RCAN2: variants seen among roughly 807,000 people sequenced by gnomAD.
RCAN2 encodes regulator of calcineurin 2.
A neutral mutation model predicts 23.6 loss-of-function variants in RCAN2; 9 were observed. That is an observed-to-expected ratio of 0.38 (90% CI 0.23 to 0.67). RCAN2 has a LOEUF of 0.67. Ranked by LOEUF, RCAN2 falls within the 30% of genes least tolerant of loss-of-function variation. The pLI is 0.51. For missense variants in RCAN2, 273 were observed against 302.3 expected (o/e 0.90, Z 0.72); for synonymous variants, 109 against 115.7 (o/e 0.94, Z 0.37).
chr6:46,361,363 G>C (rs1443104758), intron 2 of RCAN2, among the ~76,000 whole-genome samples: 1 of 152,052 alleles, frequency 6.6e-6, no homozygotes, highest in Non-Finnish European at 1.5e-5. Flanking sequence ...GGCCACACTG[G>C]GCTTCCATAA....
chr6:46,383,838 GA>G (rs1188340098), intron 2 of RCAN2, among the ~76,000 whole-genome samples: 1 of 152,050 alleles, frequency 6.6e-6, no homozygotes, highest in African/African-American at 2.4e-5. Flanking sequence ...AAGTATTATT[GA>G]ATTCAATTTT....
intron 2 of RCAN2, among the ~76,000 whole-genome samples, chr6:46,287,629 A>G (rs906733525): frequency 2.0e-5 from 3 of 152,220 alleles, no homozygotes; most frequent in African/African-American, 4.8e-5. Flanking sequence ...TAAACTTTTC[A>G]CAGAAGTAGA....
chr6:46,390,878 G>A (rs781523097), intron 2 of RCAN2, among the ~76,000 whole-genome samples: 1 of 152,192 alleles, frequency 6.6e-6, no homozygotes, highest in Non-Finnish European at 1.5e-5. Flanking sequence ...ATTGTATGAG[G>A]TTGGGTGAGA....
chr6:46,289,060 C>T (rs934828086), intron 2 of RCAN2, among the ~76,000 whole-genome samples: 3 of 152,188 alleles, frequency 2.0e-5, no homozygotes, highest in African/African-American at 4.8e-5. Context: ...GGGAAGCTGG[C>T]CATTCTGTGG....
intron 1 of RCAN2, among the ~76,000 whole-genome samples, chr6:46,464,294 C>T (rs1436530677): frequency 1.3e-5 from 2 of 151,916 alleles, no homozygotes; most frequent in Non-Finnish European, 1.5e-5. Flanking sequence ...GCTCTAAAAC[C>T]AAATGATTAT....
chr6:46,443,738 A>G (rs556413550), intron 2 of RCAN2, among the ~76,000 whole-genome samples: 5 of 152,278 alleles, frequency 3.3e-5, no homozygotes, highest in African/African-American at 7.2e-5. Flanking sequence ...GTGCATTTAC[A>G]TTTGGCTTGA....
intron 4 of RCAN2, among the ~76,000 whole-genome samples, chr6:46,238,712 A>G (rs1346620935): frequency 6.6e-6 from 1 of 152,022 alleles, no homozygotes; most frequent in Admixed American, 6.6e-5. Context: ...CCACACCCAG[A>G]TAATCTTATT....
At chr6:46,405,257 A>G (rs1752374891) in intron 2 of RCAN2, among the ~76,000 whole-genome samples, 2 of 152,194 alleles carry the variant, frequency 1.3e-5, no homozygotes, top group Admixed American at 1.3e-4. Context: ...GTTACAGCTC[A>G]TAAAAGCAGC....
chr6:46,390,147 G>C (rs539227194), intron 2 of RCAN2, among the ~76,000 whole-genome samples: 229 of 152,226 alleles, frequency 1.5e-3, no homozygotes, highest in Non-Finnish European at 2.4e-3. Flanking sequence ...AAAATCACAG[G>C]AAAACAAGGG....
chr6:46,239,494 G>A (rs1200164287), intron 4 of RCAN2, among the ~76,000 whole-genome samples: 2 of 152,206 alleles, frequency 1.3e-5, no homozygotes, highest in East Asian at 1.9e-4. Flanking sequence ...AGGCATGCAC[G>A]AGGTTGGGAT....
intron 2 of RCAN2, among the ~76,000 whole-genome samples, chr6:46,280,813 T>C (rs940842920): frequency 1.3e-5 from 2 of 152,034 alleles, no homozygotes; most frequent in Non-Finnish European, 1.5e-5. Context: ...AGTAGAGTGG[T>C]TAGTGAGATG....
intron 2 of RCAN2, among the ~76,000 whole-genome samples, chr6:46,393,392 T>C (rs1765992431): frequency 1.3e-5 from 2 of 152,144 alleles, no homozygotes; most frequent in South Asian, 4.1e-4. Flanking sequence ...GATAATACAA[T>C]TGAAGCACTT....
At chr6:46,270,955 T>G (rs1202014343) in intron 2 of RCAN2, among the ~76,000 whole-genome samples, 1 of 152,200 alleles carries the variant, frequency 6.6e-6, no homozygotes, top group Non-Finnish European at 1.5e-5. Flanking sequence ...GCCAGTTCTG[T>G]GATACATCCT....
At chr6:46,267,206 A>G (rs1210848278) in intron 2 of RCAN2, among the ~76,000 whole-genome samples, 1 of 152,222 alleles carries the variant, frequency 6.6e-6, no homozygotes, top group Non-Finnish European at 1.5e-5. Flanking sequence ...TTTGAATGAT[A>G]TTGTAACTCG....
chr6:46,383,209 ACGTG>A (rs1765657663), intron 2 of RCAN2, among the ~76,000 whole-genome samples: 4 of 68,284 alleles, frequency 5.9e-5, no homozygotes, highest in African/African-American at 1.8e-4. Flanking sequence ...GTGTGTGTGT[ACGTG>A]TGTATGGTAG....
Position 46,223,096 on chromosome 6 carries a change from G to A in RCAN2, c.*45C>T. ...TTTTGACAAACAACAGGGGGAAAAA[G>A]CATGATAAAGAGGAGACGGCTATTA... On this transcript the variant is annotated 3_prime_UTR_variant, in exon 5 of 5. Coordinates refer to ENST00000371374, the MANE Select transcript of RCAN2 (RefSeq NM_001251974.2). 1 of 1,595,808 alleles carries A rather than the reference G, an allele frequency of 6.3e-7. No individual in the cohort carries two copies. Among genetic ancestry groups the A allele is most frequent in the Non-Finnish European group, 8.5e-7 (1 of 1,171,376 alleles).
At chr6:46,449,422 T>G (rs889190730) in intron 2 of RCAN2, among the ~76,000 whole-genome samples, 4 of 151,446 alleles carry the variant, frequency 2.6e-5, no homozygotes, top group Non-Finnish European at 4.4e-5. Flanking sequence ...ATGTTCATAC[T>G]ACAGAAAGTA....
At position 46,248,852 on chromosome 6, in the gene RCAN2, C is replaced by T. The variant is rs369113192; in HGVS notation, c.270G>A (p.Thr90=). ...GTCTGAAACTCTTAAATAGCTGGAA[C>T]GTCACACAGTCATCATAAGTCCGAA... The part of the protein sequence containing the change: ...GLFRTYDDCV[T]FQLFKSFRRV... Residue 90 remains threonine, a synonymous_variant, in exon 3 of 5, where the codon ACG becomes ACA. Coordinates refer to ENST00000371374, the MANE Select transcript of RCAN2 (RefSeq NM_001251974.2). 432 of 1,612,330 alleles carry T rather than the reference C, an allele frequency of 2.7e-4. No homozygotes were observed. Among genetic ancestry groups the T allele is most frequent in the African/African-American group, 1.2e-3 (87 of 74,584 alleles).
intron 2 of RCAN2, among the ~76,000 whole-genome samples, chr6:46,312,580 A>G (rs1015216930): frequency 6.6e-6 from 1 of 152,166 alleles, no homozygotes; most frequent in Non-Finnish European, 1.5e-5. Context: ...GTGCCTCATG[A>G]ATATTTTAGG....
Sources: allele counts gnomAD v4.1 joint callset (sites outside exome capture counted in the v4.1 genomes callset), GRCh38; gene constraint gnomAD v4.1.1; transcripts MANE v1.5; gene names NCBI Gene and HGNC (gene_info 2026-07-23, HGNC 2026-07-21).